The following HMGB1 variants were observed in gnomAD, a reference collection of about 807,000 sequenced individuals.
HMGB1 encodes high mobility group protein B1.
For missense variants in HMGB1, 79 were observed against 253.5 expected, an observed-to-expected ratio of 0.31 and a Z score of 4.67; for synonymous variants, 81 against 84.0, an observed-to-expected ratio of 0.96 and a Z score of 0.19.
In HMGB1 at chr13:30,463,598, T is replaced by G. The variant is rs1260202738; in HGVS notation, c.83A>C (p.Lys28Thr). Reference sequence around the variant, plus strand: ...GACTGAAGCATCTGGGTGCTTCTTCTTATGCTCCTCCCGACAAGTTTGCAC... The same window carrying G: ...GACTGAAGCATCTGGGTGCTTCTTCGTATGCTCCTCCCGACAAGTTTGCAC... ...FFVQTCREEHKKKHPDASVNF... is the reference protein window; with the variant it reads ...FFVQTCREEHTKKHPDASVNF... The change falls in exon 2 of 5, where the codon AAG becomes ACG. Residue 28 changes from lysine to threonine, a missense_variant. By Grantham distance (78) the Lys-to-Thr change is moderately conservative. Transcript: ENST00000341423. The G allele has an allele frequency of 6.2e-7, 1 of 1,606,952 alleles. No homozygotes were observed. Among genetic ancestry groups the G allele is most frequent in the Non-Finnish European group, 8.5e-7 (1 of 1,176,858 alleles).
chr13:30,491,426 G>A (rs1887489416), intron 1 of HMGB1, among the ~76,000 whole-genome samples: 1 of 141,886 alleles, frequency 7.0e-6, no homozygotes, highest in African/African-American at 3.1e-5. Flanking sequence ...GCTCATGCCT[G>A]TAATTCCAAC....
chr13:30,611,213 C>T (rs574164999), intron 1 of HMGB1, among the ~76,000 whole-genome samples: 8 of 152,086 alleles, frequency 5.3e-5, no homozygotes, highest in Middle Eastern at 3.4e-3. Flanking sequence ...TTTTTTGAGA[C>T]GCAGTCTCGC....
At position 30,590,702 on chromosome 13, in the gene HMGB1, T is replaced by C. The variant is rs143297746; in HGVS notation, c.-15+25969A>G. On this transcript the variant is annotated intron_variant, in intron 1 of 4. Coordinates refer to the HMGB1 transcript ENST00000405805. ...AATCTTAATCCTCAATGCAACAGTA[T>C]TAAGAATTTGGGGCTTTAGGAGGTA... 5.1e-3 allele frequency among the ~76,000 whole-genome samples: 779 copies of C among 152,308 alleles called. 6 individuals carry two copies. The highest frequency in any genetic ancestry group is 0.017 in the African/African-American group (716 of 41,570).
At chr13:30,562,213 C>T (rs1047931359) in intron 1 of HMGB1, among the ~76,000 whole-genome samples, 1 of 151,452 alleles carries the variant, frequency 6.6e-6, no homozygotes, top group Non-Finnish European at 1.5e-5. Flanking sequence ...AGGAGAATCG[C>T]TTGAACCCAG....
At chr13:30,489,578 C>G (rs560814166) in intron 1 of HMGB1, among the ~76,000 whole-genome samples, 2 of 152,208 alleles carry the variant, frequency 1.3e-5, no homozygotes, top group South Asian at 4.2e-4. Context: ...ACGTGTAGCT[C>G]TCACTAGGAG....
At chr13:30,582,325 A>G (rs1169156110) in intron 1 of HMGB1, among the ~76,000 whole-genome samples, 1 of 152,334 alleles carries the variant, frequency 6.6e-6, no homozygotes, top group East Asian at 1.9e-4. Flanking sequence ...GAAAATTATG[A>G]TATCATTTAG....
Position 30,465,928 on chromosome 13 carries a change from T to C in HMGB1, c.-147A>G. On this transcript the variant is annotated 5_prime_UTR_variant, in exon 1 of 5. Transcript: ENST00000341423. Reference sequence around the variant, plus strand: ...CGCAGCCTCCTCACTCTCTCCGCTCTGTAACATTACTCTCCAGCCAGCGCG... The same window carrying C: ...CGCAGCCTCCTCACTCTCTCCGCTCCGTAACATTACTCTCCAGCCAGCGCG... 4 of 986,140 alleles carry C rather than the reference T, an allele frequency of 4.1e-6. No individual in the cohort carries two copies. Among genetic ancestry groups the C allele is most frequent in the Non-Finnish European group, 3.6e-6 (3 of 830,158 alleles). The allele number at this position is 986,140 out of a possible 1,614,324, so 61.1% of individuals were successfully genotyped here.
chr13:30,568,024 G>A lies in HMGB1; in HGVS notation c.-15+48647C>T, dbSNP rs561609952. On this transcript the variant is annotated intron_variant, in intron 1 of 4. Transcript: ENST00000405805. ...TTTCAATGGTCCCATGACAACATAC[G>A]GGCAGTGAAGCTCTAGTGTTCCCCC... Among the ~76,000 whole-genome samples the A allele has an allele frequency of 3.3e-5, 5 of 152,192 alleles. No homozygotes were observed. In the South Asian group the frequency reaches 1.0e-3, roughly 32 times the overall value.
At chr13:30,607,109 T>A (rs1421691936) in intron 1 of HMGB1, among the ~76,000 whole-genome samples, 1 of 152,236 alleles carries the variant, frequency 6.6e-6, no homozygotes, top group African/African-American at 2.4e-5. Flanking sequence ...ACTATTTCAA[T>A]GACCTTCACT....
In HMGB1 at chr13:30,538,693, C is replaced by CTTTT. The variant is rs139765346; in HGVS notation, c.-14-75000_-14-74999insAAAA. 1.4e-3 allele frequency among the ~76,000 whole-genome samples: 156 copies of CTTTT among 111,684 alleles called. 2 individuals are homozygous for CTTTT. The highest frequency in any genetic ancestry group is 1.8e-3 in the Non-Finnish European group (104 of 57,942). The allele number at this position is 111,684 out of a possible 152,430, so 73.3% of individuals were successfully genotyped here. On this transcript the variant is annotated intron_variant, in intron 1 of 4. Coordinates refer to the HMGB1 transcript ENST00000405805. Reference sequence around the variant, plus strand: ...CTTTCTTTCTTTCTTTCCTTTCTTTCTTTCTTTCTTTTTCTTTCTTTCTTC... The same window carrying CTTTT: ...CTTTCTTTCTTTCTTTCCTTTCTTTCTTTTTTTCTTTCTTTTTCTTTCTTTCTTC...
chr13:30,549,223 C>T (rs960786993), intron 1 of HMGB1, among the ~76,000 whole-genome samples: 13 of 151,968 alleles, frequency 8.6e-5, no homozygotes, highest in African/African-American at 3.1e-4. Context: ...GTCAAGGGTG[C>T]AGTGAGCCGT....
chr13:30,610,763 G>A (rs373684046), intron 1 of HMGB1, among the ~76,000 whole-genome samples: 1 of 150,438 alleles, frequency 6.6e-6, no homozygotes, highest in South Asian at 2.1e-4. Flanking sequence ...GGGAAGAAAA[G>A]GTCTATATTG....
intron 1 of HMGB1, among the ~76,000 whole-genome samples, chr13:30,478,541 T>G (rs1402677735): frequency 6.6e-6 from 1 of 152,180 alleles, no homozygotes; most frequent in Non-Finnish European, 1.5e-5. Flanking sequence ...CAATATCTTG[T>G]GAGAAAAACT....
intron 1 of HMGB1, among the ~76,000 whole-genome samples, chr13:30,525,856 T>C (rs33962242): frequency 8.0e-5 from 12 of 150,230 alleles, no homozygotes; most frequent in South Asian, 2.1e-4. Context: ...GATGAGATTG[T>C]GGGGGGACAC....
At position 30,457,362 on chromosome 13, in the gene HMGB1, G is replaced by GT. The variant is rs1886033333; in HGVS notation, c.*3994dup. On this transcript the variant is annotated 3_prime_UTR_variant, in exon 5 of 5. Transcript: ENST00000341423. ...CACCACTGCTCATGCTCACTTACAG[G>GT]TTTAGTCATACTATTGCAGATTTTA... is the stretch of plus-strand genomic sequence containing the variant. The GT allele has an allele frequency of 6.6e-6, 1 of 152,086 alleles. No homozygotes were observed. The highest frequency in any genetic ancestry group is 1.9e-4 in the East Asian group (1 of 5,198). The allele number at this position is 152,086 out of a possible 1,614,324, so 9.4% of individuals were successfully genotyped here. A position where few individuals can be genotyped will look rare whatever the true frequency, so the allele number is the denominator to read the frequency against.
At position 30,459,456 on chromosome 13, in the gene HMGB1, G is replaced by GT. The variant is rs1482875051; in HGVS notation, c.*1900dup. On this transcript the variant is annotated 3_prime_UTR_variant, in exon 5 of 5. Transcript: ENST00000341423. Reference sequence around the variant, plus strand: ...GAATTATTAATGTTGGTGATTAATGGTGATTTCTATACAGTAGAAACTTCC... The same window carrying GT: ...GAATTATTAATGTTGGTGATTAATGGTTGATTTCTATACAGTAGAAACTTCC... 1.3e-5 allele frequency: 2 copies of GT among 152,080 alleles called. No individual in the cohort carries two copies. Among genetic ancestry groups the GT allele is most frequent in the Non-Finnish European group, 1.5e-5 (1 of 68,002 alleles). 9.4% of individuals were successfully genotyped at this position (152,080 alleles called of 1,614,324 possible).
At chr13:30,518,513 T>C (rs1888150917) in intron 1 of HMGB1, among the ~76,000 whole-genome samples, 1 of 152,218 alleles carries the variant, frequency 6.6e-6, no homozygotes, top group Non-Finnish European at 1.5e-5. Flanking sequence ...ATTTAGTTGC[T>C]GAAGGACTCT....
chr13:30,553,736 C>T (rs1403588258), intron 1 of HMGB1: 110 of 1,318,716 alleles, frequency 8.3e-5, no homozygotes, highest in Non-Finnish European at 1.2e-4. Context: ...AGCTGCCGTA[C>T]TTGGAAATTC....
At chr13:30,478,633 A>T (rs917931141) in intron 1 of HMGB1, among the ~76,000 whole-genome samples, 1 of 152,180 alleles carries the variant, frequency 6.6e-6, no homozygotes, top group Non-Finnish European at 1.5e-5. Context: ...AATGTTAATC[A>T]TATTTATTTC....
Sources: gnomAD v4.1 joint callset for allele counts (sites outside exome capture counted in the v4.1 genomes callset) on GRCh38, gnomAD v4.1.1 for gene constraint, MANE v1.5 for transcripts, NCBI Gene and HGNC (gene_info 2026-07-23, HGNC 2026-07-21) for gene names.